UBE2V2: variants seen among roughly 807,000 people sequenced by gnomAD.
UBE2V2 encodes ubiquitin-conjugating enzyme E2 variant 2.
UBE2V2 carries 9 observed loss-of-function variants against 17.2 expected under a neutral mutation model. The ratio of observed to expected loss-of-function variants is 0.52; its 90% CI spans 0.32 to 0.91. UBE2V2 has a LOEUF of 0.91. UBE2V2 is among the 40% of genes least tolerant of loss of function. The probability of loss-of-function intolerance (pLI) is 0.04; values close to 1 mark genes in which losing one functional copy is unlikely to be tolerated. For missense variants in UBE2V2, 133 were observed against 182.6 expected, an observed-to-expected ratio of 0.73 and a Z score of 1.56; for synonymous variants, 61 against 57.5, an observed-to-expected ratio of 1.06 and a Z score of -0.28.
chr8:48,006,144 T>C (rs1045815791), upstream of UBE2V2, among the ~76,000 whole-genome samples: 2 of 152,238 alleles, frequency 1.3e-5, no homozygotes, highest in African/African-American at 4.8e-5. Flanking sequence ...TTTATGGTTT[T>C]AGGTCTTACG....
intron 1 of UBE2V2, among the ~76,000 whole-genome samples, chr8:48,014,974 CG>C (rs1168585650): frequency 6.8e-6 from 1 of 147,668 alleles, no homozygotes; most frequent in Non-Finnish European, 1.5e-5. Flanking sequence ...GGCATGAACC[CG>C]GGAGGCGGAG....
chr8:48,025,479 T>C lies in UBE2V2; in HGVS notation c.16+17009T>C, dbSNP rs187323920. 4.3e-3 allele frequency among the ~76,000 whole-genome samples: 646 copies of C among 150,794 alleles called. 4 individuals carry two copies. The highest frequency in any genetic ancestry group is 0.015 in the African/African-American group (598 of 41,052). On this transcript the variant is annotated intron_variant, in intron 1 of 3. Transcript: ENST00000523111. ...TTTAGTAGAGAAAAGGGTTTCACCA[T>C]ATTGACCAGGCTGGTCTTGAACTCC...
intron 2 of UBE2V2, among the ~76,000 whole-genome samples, chr8:48,045,368 G>A (rs902550017): frequency 8.5e-5 from 13 of 152,326 alleles, no homozygotes; most frequent in African/African-American, 2.6e-4. Context: ...GCAACAGCGT[G>A]ATTGGATCTG....
chr8:48,021,463 C>T (rs541918523), intron 1 of UBE2V2, among the ~76,000 whole-genome samples: 9 of 151,802 alleles, frequency 5.9e-5, no homozygotes, highest in East Asian at 5.9e-4. Context: ...CCCACCACCA[C>T]GCCCGGCTAA....
intron 1 of UBE2V2, among the ~76,000 whole-genome samples, chr8:48,034,370 CT>C (rs1244089785): frequency 6.6e-6 from 1 of 152,180 alleles, no homozygotes. Flanking sequence ...TGTGATCCCC[CT>C]GCCTTGGCCT....
At chr8:48,000,869 T>C in the UBE2V2 span, among the ~76,000 whole-genome samples, 2 of 140,108 alleles carry the variant, frequency 1.4e-5, no homozygotes, top group African/African-American at 5.3e-5. Context: ...CTCAATACTA[T>C]GAATTCATGT....
intron 1 of UBE2V2, chr8:48,034,723 G>T (rs2091409509): frequency 6.6e-6 from 1 of 152,112 alleles, no homozygotes; most frequent in African/African-American, 2.4e-5. Context: ...TTTTTGTTCA[G>T]ATTGCTTTTC....
chr8:48,006,151 T>TA (rs1157917341), upstream of UBE2V2, among the ~76,000 whole-genome samples: 2 of 152,198 alleles, frequency 1.3e-5, no homozygotes, highest in African/African-American at 4.8e-5. Flanking sequence ...TTTTAGGTCT[T>TA]ACGTTTAAGT....
intron 1 of UBE2V2, among the ~76,000 whole-genome samples, chr8:48,034,644 A>G (rs2091408676): frequency 1.3e-5 from 2 of 149,274 alleles, no homozygotes; most frequent in Non-Finnish European, 3.0e-5. Flanking sequence ...AATATTTTAA[A>G]TTATGTGACA....
At chr8:48,048,703 G>C (rs565964409) in intron 2 of UBE2V2, among the ~76,000 whole-genome samples, 1 of 152,138 alleles carries the variant, frequency 6.6e-6, no homozygotes, top group South Asian at 2.1e-4. Flanking sequence ...TTACATTAGA[G>C]TAGTTTAATA....
At chr8:48,045,031 G>A (rs540318709) in intron 2 of UBE2V2, among the ~76,000 whole-genome samples, 4 of 152,178 alleles carry the variant, frequency 2.6e-5, no homozygotes, top group African/African-American at 9.6e-5. Context: ...TGGTGTCACC[G>A]AACCTCAGGA....
At chr8:48,004,280 G>C (rs1213966648), upstream of UBE2V2, among the ~76,000 whole-genome samples, 1 of 152,158 alleles carries the variant, frequency 6.6e-6, no homozygotes, top group African/African-American at 2.4e-5. Context: ...GCTAGAGGCT[G>C]TTGCTAAGTA....
chr8:48,017,126 G>A (rs1254685728), intron 1 of UBE2V2, among the ~76,000 whole-genome samples: 1 of 152,032 alleles, frequency 6.6e-6, no homozygotes, highest in Non-Finnish European at 1.5e-5. Context: ...CCATTTTAAT[G>A]GGAGTGAGGT....
intron 1 of UBE2V2, among the ~76,000 whole-genome samples, chr8:48,040,698 C>G (rs2091455570): frequency 6.6e-6 from 1 of 152,046 alleles, no homozygotes. Context: ...TTGATCTCGG[C>G]TCACTTCAGC....
intron 2 of UBE2V2, among the ~76,000 whole-genome samples, chr8:48,049,247 A>C (rs929851664): frequency 1.3e-5 from 2 of 152,182 alleles, no homozygotes; most frequent in African/African-American, 2.4e-5. Flanking sequence ...TAAAATAATT[A>C]TGTTTTATTG....
intron 2 of UBE2V2, among the ~76,000 whole-genome samples, chr8:48,048,143 C>T (rs946122428): frequency 4.6e-5 from 7 of 152,126 alleles, no homozygotes; most frequent in Admixed American, 1.3e-4. Context: ...GCTCCCTTTG[C>T]GCTTTCCCAC....
At chr8:48,037,641 C>T (rs2091433714) in intron 1 of UBE2V2, among the ~76,000 whole-genome samples, 1 of 152,184 alleles carries the variant, frequency 6.6e-6, no homozygotes, top group Non-Finnish European at 1.5e-5. Flanking sequence ...GAACTTTAAG[C>T]TCCACAAGAG....
At position 48,057,285 on chromosome 8, in the gene UBE2V2, G is replaced by C. The variant is rs2091579224; in HGVS notation, c.292-3397G>C. Among the ~76,000 whole-genome samples the C allele has an allele frequency of 2.0e-5, 3 of 152,016 alleles. No homozygotes were observed. In the South Asian group the frequency reaches 6.2e-4, roughly 31 times the overall value. On this transcript the variant is annotated intron_variant, in intron 3 of 3. Transcript: ENST00000523111. ...TAATTTCTATCAACTATATTTTACAGTTTTTAAAAATTATTTTTATTTATT... is the reference window on the plus strand; with the variant it reads ...TAATTTCTATCAACTATATTTTACACTTTTTAAAAATTATTTTTATTTATT...
chr8:48,018,413 A>G (rs996278128), intron 1 of UBE2V2, among the ~76,000 whole-genome samples: 1 of 151,974 alleles, frequency 6.6e-6, no homozygotes. Flanking sequence ...TCATTGACCT[A>G]TTGGTTGTTC....
Sources: gnomAD v4.1 joint callset for allele counts (sites outside exome capture counted in the v4.1 genomes callset) on GRCh38, gnomAD v4.1.1 for gene constraint, MANE v1.5 for transcripts, NCBI Gene and HGNC (gene_info 2026-07-23, HGNC 2026-07-21) for gene names.